CDH22: variants seen among roughly 807,000 people sequenced by gnomAD.
CDH22 encodes cadherin-22.
Under a neutral mutation model 58.4 loss-of-function variants are expected in CDH22, and 30 were observed. That is an observed-to-expected ratio of 0.51 (90% CI 0.38 to 0.70). The LOEUF is 0.70. Among genes scored for constraint, CDH22 ranks in the 30% least tolerant of loss-of-function variants. The probability of loss-of-function intolerance (pLI) is 0.00; values close to 1 mark genes in which losing one functional copy is unlikely to be tolerated. For synonymous variants in CDH22, 513 were observed against 558.2 expected, an observed-to-expected ratio of 0.92 and a Z score of 1.14; for missense variants, 1,014 against 1,233.9, an observed-to-expected ratio of 0.82 and a Z score of 2.67.
At chr20:46,292,177 G>T (rs2145777581) in intron 1 of CDH22, among the ~76,000 whole-genome samples, 1 of 152,332 alleles carries the variant, frequency 6.6e-6, no homozygotes, top group South Asian at 2.1e-4. Flanking sequence ...CAACAGGAAG[G>T]CATGCCTGCT....
In CDH22 at chr20:46,296,026, G is replaced by A. The variant is rs575025842; in HGVS notation, c.-400+12229C>T. 2.6e-5 allele frequency among the ~76,000 whole-genome samples: 4 copies of A among 152,326 alleles called. No homozygotes were observed. The South Asian group carries it at 8.3e-4, about 32-fold the overall frequency. On this transcript the variant is annotated intron_variant, in intron 1 of 11. Transcript: ENST00000537909. Reference sequence around the variant, plus strand: ...GATCCTCCTGCCTCGGCCTCTCAAAGTGCTGGGATCACAGGTGGGAACCAC... The same window carrying A: ...GATCCTCCTGCCTCGGCCTCTCAAAATGCTGGGATCACAGGTGGGAACCAC...
intron 3 of CDH22, among the ~76,000 whole-genome samples, chr20:46,229,289 G>C (rs925389697): frequency 3.8e-4 from 52 of 138,520 alleles, no homozygotes; most frequent in African/African-American, 6.1e-4. Flanking sequence ...ATGCAGAGTG[G>C]CCCCCCCCCC....
chr20:46,280,465 G>T (rs2086545316), intron 1 of CDH22, among the ~76,000 whole-genome samples: 1 of 152,194 alleles, frequency 6.6e-6, no homozygotes, highest in Non-Finnish European at 1.5e-5. Context: ...GCTGGCCGTT[G>T]TTGTCATTAG....
intron 1 of CDH22, among the ~76,000 whole-genome samples, chr20:46,295,511 C>A (rs187170133): frequency 4.6e-5 from 7 of 152,292 alleles, no homozygotes; most frequent in Admixed American, 3.9e-4. Context: ...AAGCCTGTAA[C>A]GCAGCTACTG....
At chr20:46,179,986 T>C (rs2085772733) in intron 10 of CDH22, among the ~76,000 whole-genome samples, 1 of 152,226 alleles carries the variant, frequency 6.6e-6, no homozygotes, top group Non-Finnish European at 1.5e-5. Context: ...TGTCACCTCC[T>C]TTCTTGTGGC....
At chr20:46,203,854 C>T (rs2085979229) in intron 7 of CDH22, among the ~76,000 whole-genome samples, 1 of 152,150 alleles carries the variant, frequency 6.6e-6, no homozygotes, top group South Asian at 2.1e-4. Context: ...TGCAGTCCTA[C>T]TTCTCATTTG....
intron 4 of CDH22, among the ~76,000 whole-genome samples, chr20:46,225,710 T>G (rs935257344): frequency 2.0e-5 from 3 of 152,112 alleles, no homozygotes; most frequent in Non-Finnish European, 2.9e-5. Context: ...AGTGAATGAG[T>G]CTAAGATCTC....
intron 7 of CDH22, among the ~76,000 whole-genome samples, chr20:46,202,465 T>C (rs1600694590): frequency 2.0e-5 from 3 of 151,886 alleles, no homozygotes; most frequent in South Asian, 4.2e-4. Flanking sequence ...GCCATTCTCC[T>C]GCCTCAGACT....
Position 46,246,618 on chromosome 20 carries a change from G to A in CDH22, c.255+4422C>T, listed in dbSNP as rs867189726. Reference sequence around the variant, plus strand: ...GGGTTGCCAATGGGGGCAGGGCCGCGGAAGGAGCTGTTTGTGTGGGGCCTT... The same window carrying A: ...GGGTTGCCAATGGGGGCAGGGCCGCAGAAGGAGCTGTTTGTGTGGGGCCTT... On this transcript the variant is annotated intron_variant, in intron 2 of 11. Transcript: ENST00000537909. Among the ~76,000 whole-genome samples the A allele has an allele frequency of 5.3e-5, 8 of 152,242 alleles. No individual in the cohort carries two copies. In the South Asian group the frequency reaches 6.2e-4, roughly 12 times the overall value.
At chr20:46,248,537 A>G (rs921499242) in intron 2 of CDH22, among the ~76,000 whole-genome samples, 7 of 152,180 alleles carry the variant, frequency 4.6e-5, no homozygotes, top group African/African-American at 1.7e-4. Context: ...ACTTCAGCTC[A>G]GGGGAACAGG....
In CDH22 at chr20:46,240,988, G is replaced by T. The variant is rs2086285493; in HGVS notation, c.525C>A (p.Gly175=). The T allele has an allele frequency of 3.7e-6, 6 of 1,613,188 alleles. No homozygotes were observed. Among genetic ancestry groups the T allele is most frequent in the Non-Finnish European group, 5.1e-6 (6 of 1,179,478 alleles). ...CTGTAGGTGAGAGCTCGGCCACGCT[G>T]CCAATATAGGGGCCGTGCAGGAAGC... ...EPRFLHGPYI[G]SVAELSPTGT... Residue 175 remains glycine, a synonymous_variant, in exon 3 of 12, where the codon GGC becomes GGA. Transcript: ENST00000537909.
At chr20:46,220,368 G>A (rs904160605) in intron 4 of CDH22, 4 of 139,078 alleles carry the variant, frequency 2.9e-5, no homozygotes, top group African/African-American at 5.2e-5. Context: ...CAGAGAGGGA[G>A]ACGCAGGAAG....
intron 1 of CDH22, among the ~76,000 whole-genome samples, chr20:46,286,072 G>A (rs1453866389): frequency 6.6e-6 from 1 of 152,212 alleles, no homozygotes; most frequent in African/African-American, 2.4e-5. Context: ...GGAGAGGGCT[G>A]GCAGGTGGTG....
chr20:46,295,464 G>C (rs1050055826), intron 1 of CDH22, among the ~76,000 whole-genome samples: 1 of 152,190 alleles, frequency 6.6e-6, no homozygotes, highest in African/African-American at 2.4e-5. Context: ...ACTGTTCTAA[G>C]TACTTTACAA....
Position 46,241,269 on chromosome 20 carries a change from GAGA to G in CDH22, c.256-15_256-13del. ...GAGTCGGAGTGGATCTGGGTAGGCA[GAGA>G]AGAAGGCAAGGTGGAGGCTGAGAAG... On this transcript the variant is annotated splice_polypyrimidine_tract_variant and intron_variant, in intron 2 of 11. Transcript: ENST00000537909. The surrounding 1 kb of genome is among the most constrained non-coding windows in gnomAD (Gnocchi z 5.2). 4.4e-6 allele frequency: 7 copies of G among 1,578,536 alleles called. No homozygotes were observed. Among genetic ancestry groups the G allele is most frequent in the Non-Finnish European group, 6.0e-6 (7 of 1,158,594 alleles).
intron 1 of CDH22, among the ~76,000 whole-genome samples, chr20:46,269,452 A>AG (rs1739952013): frequency 6.6e-6 from 1 of 152,240 alleles, no homozygotes; most frequent in Non-Finnish European, 1.5e-5. Context: ...AGTGCTTGAT[A>AG]ACCACCATTC....
intron 1 of CDH22, among the ~76,000 whole-genome samples, chr20:46,252,017 CT>C (rs1351870419): frequency 2.0e-5 from 3 of 152,032 alleles, no homozygotes; most frequent in African/African-American, 7.3e-5. Context: ...GGCGGTGCCC[CT>C]GACCTGGCTG....
intron 1 of CDH22, among the ~76,000 whole-genome samples, chr20:46,297,349 G>A (rs533764502): frequency 6.6e-6 from 1 of 152,122 alleles, no homozygotes; most frequent in East Asian, 1.9e-4. Flanking sequence ...AGGCATTCCA[G>A]AAGGTGACCA....
chr20:46,201,337 G>C (rs1295627356), intron 7 of CDH22, among the ~76,000 whole-genome samples: 7 of 152,232 alleles, frequency 4.6e-5, no homozygotes, highest in Non-Finnish European at 7.3e-5. Flanking sequence ...AGCATTGCCT[G>C]CTGGGGCCCA....
Sources: gnomAD v4.1 joint callset for allele counts (sites outside exome capture counted in the v4.1 genomes callset) on GRCh38, gnomAD v4.1.1 for gene constraint, Gnocchi (gnomAD v3.1) non-coding constraint, MANE v1.5 for transcripts, NCBI Gene and HGNC (gene_info 2026-07-23, HGNC 2026-07-21) for gene names.